The following SPACA7 variants were observed in gnomAD, a reference collection of about 807,000 sequenced individuals.
SPACA7 encodes the protein sperm acrosome associated 7.
A neutral mutation model predicts 26.3 loss-of-function variants in SPACA7; 19 were observed. The ratio of observed to expected loss-of-function variants is 0.72; its 90% CI spans 0.50 to 1.06. SPACA7 has a LOEUF of 1.06. Ranked by LOEUF, SPACA7 falls within the 50% of genes least tolerant of loss-of-function variation. The probability of loss-of-function intolerance (pLI) is 0.00; values close to 1 mark genes in which losing one functional copy is unlikely to be tolerated. For missense variants in SPACA7, 211 were observed against 229.9 expected (o/e 0.92, Z 0.53); for synonymous variants, 84 against 84.5 (o/e 0.99, Z 0.04).
rs1195637415 is a variant in SPACA7 at position 112,393,111 on chromosome 13, T to G, written c.151+34T>G. ...GCCCCTCCTATCAACCTCTGGCCTG[T>G]ACGTGAAGAGGGCTGGATGGTTGTC... On this transcript the variant is annotated intron_variant, in intron 2 of 6. Coordinates refer to ENST00000283550, the MANE Select transcript of SPACA7 (RefSeq NM_145248.5). The G allele has an allele frequency of 5.1e-6, 8 of 1,566,654 alleles. No homozygotes were observed. In the East Asian group the frequency reaches 1.8e-4, roughly 35 times the overall value.
Position 112,397,962 on chromosome 13 carries a change from T to C in SPACA7, c.152-87T>C, listed in dbSNP as rs568870300. 2.8e-4 allele frequency: 219 copies of C among 784,270 alleles called. 6 individuals are homozygous for C. The African/African-American group carries it at 3.6e-3, about 13-fold the overall frequency. 48.6% of individuals were successfully genotyped at this position (784,270 alleles called of 1,614,324 possible). On this transcript the variant is annotated intron_variant, in intron 2 of 6. Transcript: ENST00000283550. ...GTACAGGAACTGTGTGTACATTCACTGTGTGTACAGATGGCCTTAGGGGAC... is the reference window on the plus strand; with the variant it reads ...GTACAGGAACTGTGTGTACATTCACCGTGTGTACAGATGGCCTTAGGGGAC...
intron 5 of SPACA7, among the ~76,000 whole-genome samples, chr13:112,427,424 T>C (rs1876640017): frequency 6.6e-6 from 1 of 152,222 alleles, no homozygotes; most frequent in African/African-American, 2.4e-5. Flanking sequence ...CACTTGGTCA[T>C]TATATTGTTG....
intron 5 of SPACA7, among the ~76,000 whole-genome samples, chr13:112,421,558 T>C (rs537770842): frequency 1.3e-5 from 2 of 152,294 alleles, no homozygotes; most frequent in African/African-American, 4.8e-5. Flanking sequence ...AATAATTACC[T>C]TAAGTCTAAA....
intron 1 of SPACA7, among the ~76,000 whole-genome samples, chr13:112,390,610 T>G (rs1884825323): frequency 6.6e-6 from 1 of 152,170 alleles, no homozygotes; most frequent in Non-Finnish European, 1.5e-5. Context: ...TGGGGAGGCC[T>G]CAGGAAACTT....
At chr13:112,394,924 C>A (rs1217641835) in intron 2 of SPACA7, among the ~76,000 whole-genome samples, 2 of 152,200 alleles carry the variant, frequency 1.3e-5, no homozygotes, top group Non-Finnish European at 2.9e-5. Flanking sequence ...GCTCTTACCC[C>A]CATCCACACC....
At chr13:112,388,447 T>C (rs1426972352) in intron 1 of SPACA7, among the ~76,000 whole-genome samples, 3 of 152,122 alleles carry the variant, frequency 2.0e-5, no homozygotes, top group Admixed American at 2.0e-4. Context: ...TCCATTGCAA[T>C]TAAATCCATG....
intron 1 of SPACA7, among the ~76,000 whole-genome samples, chr13:112,385,030 T>C (rs1291158390): frequency 6.6e-6 from 1 of 152,210 alleles, no homozygotes; most frequent in Non-Finnish European, 1.5e-5. Flanking sequence ...CAGATTAATT[T>C]TCTAAGAAAA....
At chr13:112,405,095 G>C (rs554909762) in intron 5 of SPACA7, among the ~76,000 whole-genome samples, 1 of 145,002 alleles carries the variant, frequency 6.9e-6, no homozygotes, top group African/African-American at 2.6e-5. Context: ...CCATTCTCCC[G>C]CCTCAGCCTC....
In SPACA7 at chr13:112,376,430, G is replaced by A; in HGVS notation, c.45G>A (p.Leu15=). Residue 15 remains leucine (L), a synonymous_variant, in exon 1 of 7, where the codon CTG becomes CTA. Transcript: ENST00000283550. ...ACGGGACCCTCTGCTTTGTCCTCCT[G>A]CTGTGCTGTTGGCAAGAAACTGAGC... ...QGDGTLCFVL[L]LCCWQETELR... 1 of 1,613,910 alleles carries A rather than the reference G, an allele frequency of 6.2e-7. No individual in the cohort carries two copies. Among genetic ancestry groups the A allele is most frequent in the Non-Finnish European group, 8.5e-7 (1 of 1,179,938 alleles).
chr13:112,387,162 G>T (rs1884579540), intron 1 of SPACA7, among the ~76,000 whole-genome samples: 1 of 152,216 alleles, frequency 6.6e-6, no homozygotes, highest in East Asian at 1.9e-4. Context: ...TTTCAAGCTC[G>T]CAAAGGCTTT....
rs529045404 is a variant in SPACA7, at chr13:112,433,568, C to T, written c.524-917C>T. ...CTCACTGTCCACAAGCGTGGGAAGCCGGCCAGCTCGTCCTTTGTTAAAATG... is the reference window on the plus strand; with the variant it reads ...CTCACTGTCCACAAGCGTGGGAAGCTGGCCAGCTCGTCCTTTGTTAAAATG... On this transcript the variant is annotated intron_variant, in intron 6 of 6. Transcript: ENST00000283550. 4.6e-5 allele frequency among the ~76,000 whole-genome samples: 7 copies of T among 151,666 alleles called. No homozygotes were observed. The South Asian group carries it at 8.4e-4, about 18-fold the overall frequency.
intron 5 of SPACA7, among the ~76,000 whole-genome samples, chr13:112,407,779 T>C (rs919259184): frequency 3.2e-4 from 49 of 152,222 alleles, no homozygotes; most frequent in Non-Finnish European, 6.5e-4. Flanking sequence ...AGCCGAATTC[T>C]ACCAGAGGTA....
chr13:112,420,469 G>T (rs2139042338), intron 5 of SPACA7, among the ~76,000 whole-genome samples: 1 of 152,112 alleles, frequency 6.6e-6, no homozygotes, highest in East Asian at 1.9e-4. Context: ...ACAGTGCACA[G>T]CTAGGAAACA....
chr13:112,422,401 G>A (rs1876077140), intron 5 of SPACA7, among the ~76,000 whole-genome samples: 1 of 152,098 alleles, frequency 6.6e-6, no homozygotes, highest in African/African-American at 2.4e-5. Flanking sequence ...GACAGAATAA[G>A]GACATAAAAG....
chr13:112,402,397 GA>G (rs75746173), intron 5 of SPACA7, among the ~76,000 whole-genome samples: 39,198 of 152,004 alleles, frequency 0.26, 5,424 homozygotes, highest in South Asian at 0.37. Flanking sequence ...CTATCTTACT[GA>G]ATTATTTTCT....
chr13:112,415,843 G>T (rs75469799), intron 5 of SPACA7, among the ~76,000 whole-genome samples: 1 of 152,112 alleles, frequency 6.6e-6, no homozygotes, highest in Non-Finnish European at 1.5e-5. Flanking sequence ...GGTTCATCCT[G>T]CAGGGCAGCG....
intron 1 of SPACA7, among the ~76,000 whole-genome samples, chr13:112,387,674 C>T (rs1479202374): frequency 2.0e-5 from 3 of 152,144 alleles, no homozygotes; most frequent in Non-Finnish European, 4.4e-5. Flanking sequence ...TTCAGAAGAA[C>T]GGAGTGGTTT....
At chr13:112,432,010 G>A (rs1323535619) in intron 5 of SPACA7, among the ~76,000 whole-genome samples, 1 of 152,198 alleles carries the variant, frequency 6.6e-6, no homozygotes, top group Non-Finnish European at 1.5e-5. Flanking sequence ...AAAGGTGGGG[G>A]AAATTCAGTG....
intron 1 of SPACA7, chr13:112,382,577 T>C (rs373285748): frequency 3.6e-5 from 55 of 1,519,780 alleles, no homozygotes; most frequent in East Asian, 2.9e-4. Flanking sequence ...TTCCAAGGCT[T>C]GTGTGGTAAA....
Sources: allele counts gnomAD v4.1 joint callset (sites outside exome capture counted in the v4.1 genomes callset), GRCh38; gene constraint gnomAD v4.1.1; transcripts MANE v1.5; gene names NCBI Gene and HGNC (gene_info 2026-07-23, HGNC 2026-07-21).